CEP192: variants seen among roughly 807,000 people sequenced by gnomAD.
CEP192 encodes the protein centrosomal protein of 192 kDa.
CEP192 carries 151 observed loss-of-function variants against 271.8 expected under a neutral mutation model. That is an observed-to-expected ratio of 0.56 (90% CI 0.49 to 0.64). The LOEUF (loss-of-function observed/expected upper bound fraction) is 0.64. Among genes scored for constraint, CEP192 ranks in the 30% least tolerant of loss-of-function variants. The pLI is 0.00. For missense variants in CEP192, 2,910 were observed against 3,020.5 expected (o/e 0.96, Z 0.86); for synonymous variants, 995 against 1,076.5 (o/e 0.92, Z 1.48).
Position 13,049,691 on chromosome 18 carries a change from T to C in CEP192, c.2890+10T>C. 6.2e-7 allele frequency: 1 copy of C among 1,604,956 alleles called. No homozygotes were observed. The highest frequency in any genetic ancestry group is 1.7e-5 in the Admixed American group (1 of 58,802). On this transcript the variant is annotated intron_variant, in intron 16 of 44. Coordinates refer to ENST00000506447, the MANE Select transcript of CEP192 (RefSeq NM_032142.4). ...TCACCTAAAAATAGTGGTAAGTGTC[T>C]GAGTCGTTGGTCACATTCATAAAAT... is the stretch of plus-strand genomic sequence containing the variant.
intron 21 of CEP192, 78 bp downstream of exon 21, chr18:13,059,390 A>G: frequency 8.0e-7 from 1 of 1,245,984 alleles, no homozygotes; most frequent in Non-Finnish European, 1.1e-6. Context: ...AAAATTTGGG[A>G]AAAAGAAATT....
intron 32 of CEP192, chr18:13,088,804 A>T: frequency 2.8e-6 from 1 of 357,270 alleles, no homozygotes; most frequent in South Asian, 2.2e-5. Context: ...TTGCTACATG[A>T]TGTTAGAACA....
At chr18:13,120,006 A>G (rs752160237) in intron 44 of CEP192, among the ~76,000 whole-genome samples, 11 of 152,206 alleles carry the variant, frequency 7.2e-5, no homozygotes, top group Non-Finnish European at 1.6e-4. Context: ...AACTTTCATT[A>G]TTGAATACGT....
chr18:13,019,038 C>G (rs1306234096), intron 8 of CEP192, 44 bp from the exon 9 acceptor site: 1 of 1,476,412 alleles, frequency 6.8e-7, no homozygotes, highest in Non-Finnish European at 9.0e-7. Context: ...TTAGATTACT[C>G]AGATTTGATG....
rs1000108119 is a variant in CEP192, at chr18:13,025,230, C to G, written c.1051-4433C>G. Among the ~76,000 whole-genome samples, 10 of 151,170 alleles carry G rather than the reference C, an allele frequency of 6.6e-5. No individual in the cohort carries two copies. In the East Asian group the frequency reaches 1.9e-3, roughly 29 times the overall value. ...AAGAATATTATTATTATTATTATTA[C>G]TATTTTGAGACAGGGTCTCTATGTT... is the stretch of plus-strand genomic sequence containing the variant. On this transcript the variant is annotated intron_variant, in intron 9 of 44. Coordinates refer to ENST00000506447, the MANE Select transcript of CEP192 (RefSeq NM_032142.4).
chr18:13,073,251 T>C, intron 30 of CEP192, 66 bp downstream of exon 30: 1 of 1,354,600 alleles, frequency 7.4e-7, no homozygotes, highest in South Asian at 1.4e-5. Context: ...ATTGGTTTAA[T>C]GTTGTAAATT....
At chr18:13,071,354 C>T (rs1346574078) in intron 28 of CEP192, 142 bp downstream of exon 28, 26 of 660,600 alleles carry the variant, frequency 3.9e-5, no homozygotes, top group East Asian at 5.5e-5. Context: ...TAGATGGGCA[C>T]GTGTCCTGAT....
At position 13,048,980 on chromosome 18, in the gene CEP192, A is replaced by G; in HGVS notation, c.2189A>G (p.Asp730Gly). ...SAIAEASVNT[D>G]PSQLAAMIKA... Reference sequence around the variant, plus strand: ...ATTGCAGAGGCATCAGTTAATACTGATCCTTCCCAACTTGCTGCAATGATC... The same window carrying G: ...ATTGCAGAGGCATCAGTTAATACTGGTCCTTCCCAACTTGCTGCAATGATC... Residue 730 changes from aspartate (D) to glycine (G), a missense_variant, in exon 16 of 45, where the codon GAT (aspartate) becomes GGT (glycine). Coordinates refer to ENST00000506447, the MANE Select transcript of CEP192 (RefSeq NM_032142.4). The G allele has an allele frequency of 6.2e-7, 1 of 1,614,166 alleles. No homozygotes were observed. Among genetic ancestry groups the G allele is most frequent in the Non-Finnish European group, 8.5e-7 (1 of 1,180,006 alleles).
chr18:13,021,960 T>C (rs1433554100), intron 9 of CEP192, among the ~76,000 whole-genome samples: 3 of 152,256 alleles, frequency 2.0e-5, no homozygotes, highest in Non-Finnish European at 2.9e-5. Context: ...TTGTACCTTC[T>C]AGATTTTTCT....
At chr18:13,025,587 T>C (rs573807946) in intron 9 of CEP192, among the ~76,000 whole-genome samples, 1 of 152,324 alleles carries the variant, frequency 6.6e-6, no homozygotes, top group African/African-American at 2.4e-5. Flanking sequence ...ATATAATTCT[T>C]TTTTGTCCCA....
intron 24 of CEP192, 28 bp downstream of exon 24, chr18:13,068,450 G>C: frequency 6.6e-7 from 1 of 1,523,582 alleles, no homozygotes; most frequent in Non-Finnish European, 9.0e-7. Flanking sequence ...TGTGGGAATT[G>C]CTTTAATCTG....
In CEP192 at chr18:13,106,519, A is replaced by G. The variant is rs1200419147; in HGVS notation, c.7047+1440A>G. Among the ~76,000 whole-genome samples the G allele has an allele frequency of 2.9e-4, 36 of 124,928 alleles. No individual in the cohort carries two copies. The East Asian group carries it at 8.4e-3, about 29-fold the overall frequency. The allele number at this position is 124,928 out of a possible 152,430, so 82.0% of individuals were successfully genotyped here. On this transcript the variant is annotated intron_variant, in intron 40 of 44. Transcript: ENST00000506447. ...GCCATCACCATTTCCTACCACCACC[A>G]CCACCACCACCACCACCTCCCCCAT... is the stretch of plus-strand genomic sequence containing the variant.
intron 15 of CEP192, among the ~76,000 whole-genome samples, chr18:13,047,480 A>G (rs937369128): frequency 2.0e-5 from 3 of 152,198 alleles, no homozygotes; most frequent in Non-Finnish European, 2.9e-5. Flanking sequence ...AGCAGCAGAT[A>G]TGCTTAGGGA....
At chr18:13,012,087 A>T (rs2034393772) in intron 4 of CEP192, among the ~76,000 whole-genome samples, 1 of 152,242 alleles carries the variant, frequency 6.6e-6, no homozygotes, top group African/African-American at 2.4e-5. Context: ...TCCATAGGGA[A>T]ATCTATAGAT....
At chr18:13,041,493 A>G (rs1278366611) in intron 14 of CEP192, among the ~76,000 whole-genome samples, 3 of 152,032 alleles carry the variant, frequency 2.0e-5, no homozygotes, top group East Asian at 1.9e-4. Context: ...CAAAGGGTCC[A>G]TGTATACAGA....
At position 13,104,993 on chromosome 18, in the gene CEP192, G is replaced by A; in HGVS notation, c.6961G>A (p.Glu2321Lys). 6.2e-7 allele frequency: 1 copy of A among 1,612,310 alleles called. No homozygotes were observed. The highest frequency in any genetic ancestry group is 8.5e-7 in the Non-Finnish European group (1 of 1,178,292). ...LAPPYVKGVD[E>K]SGDVFRATYA... is the part of the protein sequence containing the mutation. ...AATGATTGCTTTGCAGGGAGTTGAT[G>A]AAAGTGGAGATGTTTTTAGAGCTAC... Residue 2321 changes from glutamate (E) to lysine (K), a missense_variant, in exon 40 of 45, where the codon GAA becomes AAA. Coordinates refer to ENST00000506447, the MANE Select transcript of CEP192 (RefSeq NM_032142.4).
intron 9 of CEP192, chr18:13,024,208 C>T (rs543487260): frequency 6.9e-5 from 28 of 403,890 alleles, no homozygotes; most frequent in Non-Finnish European, 1.3e-4. Context: ...TTATGTCTTC[C>T]TAGAGAATTG....
intron 9 of CEP192, among the ~76,000 whole-genome samples, chr18:13,026,068 A>C (rs1004238981): frequency 2.0e-5 from 3 of 152,156 alleles, no homozygotes; most frequent in Non-Finnish European, 2.9e-5. Context: ...AATGCCTTCA[A>C]TTTTTGCTTG....
At chr18:13,121,857 G>C (rs762703692) in intron 44 of CEP192, among the ~76,000 whole-genome samples, 3 of 152,232 alleles carry the variant, frequency 2.0e-5, no homozygotes, top group Admixed American at 1.3e-4. Context: ...CCAAGGAATA[G>C]AGTTATCATT....
Sources: gnomAD v4.1 joint callset for allele counts (sites outside exome capture counted in the v4.1 genomes callset) on GRCh38, gnomAD v4.1.1 for gene constraint, MANE v1.5 for transcripts, NCBI Gene and HGNC (gene_info 2026-07-23, HGNC 2026-07-21) for gene names.